Variants in CABYR observed in about 807,000 individuals in gnomAD.
CABYR encodes calcium-binding tyrosine phosphorylation-regulated protein.
CABYR carries 31 observed loss-of-function variants against 36.1 expected under a neutral mutation model. The observed-to-expected ratio is 0.86, with a 90% CI of 0.64 to 1.16. CABYR has a LOEUF of 1.16. Among genes scored for constraint, CABYR ranks in the 50% most tolerant of loss-of-function variants. The pLI is 0.00. For synonymous variants in CABYR, 146 were observed against 160.7 expected, an observed-to-expected ratio of 0.91 and a Z score of 0.69; for missense variants, 429 against 455.8, an observed-to-expected ratio of 0.94 and a Z score of 0.53.
At chr18:24,139,932 CT>C (rs778434790) in intron 1 of CABYR, 260 of 137,956 alleles carry the variant, frequency 1.9e-3, no homozygotes, top group Middle Eastern at 7.8e-3. Context: ...CTTTTTTATT[CT>C]TTTTTTTTTT....
At chr18:24,142,212 C>T (rs757241920) in intron 1 of CABYR, among the ~76,000 whole-genome samples, 8 of 151,814 alleles carry the variant, frequency 5.3e-5, no homozygotes, top group East Asian at 1.9e-4. Context: ...CCCAGCTACT[C>T]GGGAGGCTGA....
chr18:24,150,580 A>T, intron 3 of CABYR: 1 of 984,426 alleles, frequency 1.0e-6, no homozygotes, highest in Non-Finnish European at 1.2e-6. Flanking sequence ...GAATGGATGG[A>T]AGGGCAAGGA....
At chr18:24,150,127 A>T (rs1485938919) in intron 3 of CABYR, among the ~76,000 whole-genome samples, 1 of 152,258 alleles carries the variant, frequency 6.6e-6, no homozygotes, top group Non-Finnish European at 1.5e-5. Context: ...GGGGTGAGGG[A>T]GACAGAAATA....
At chr18:24,149,888 C>T (rs2085573686) in intron 3 of CABYR, among the ~76,000 whole-genome samples, 1 of 152,234 alleles carries the variant, frequency 6.6e-6, no homozygotes, top group South Asian at 2.1e-4. Flanking sequence ...GGAACTCCAG[C>T]TGGCCCGCAA....
At chr18:24,151,712 C>CA (rs1176642469) in intron 3 of CABYR, among the ~76,000 whole-genome samples, 3 of 110,028 alleles carry the variant, frequency 2.7e-5, no homozygotes, top group East Asian at 2.8e-4. Flanking sequence ...TTTTTAAAGA[C>CA]AGAGTCTAGC....
In CABYR at chr18:24,147,328, C is replaced by T. The variant is rs968322556; in HGVS notation, c.199+3915C>T. Among the ~76,000 whole-genome samples, 30 of 148,544 alleles carry T rather than the reference C, an allele frequency of 2.0e-4. No homozygotes were observed. In the Middle Eastern group the frequency reaches 0.011, roughly 52 times the overall value. On this transcript the variant is annotated intron_variant, in intron 3 of 5. Coordinates refer to ENST00000399496, the MANE Select transcript of CABYR (RefSeq NM_153769.3). ...CTTCCTAAATCTAGGAATGGGTACA[C>T]ACACAAAAACTTACAGATGATCCAA...
At chr18:24,153,171 G>C (rs1446826766) in intron 3 of CABYR, among the ~76,000 whole-genome samples, 2 of 152,060 alleles carry the variant, frequency 1.3e-5, no homozygotes, top group Non-Finnish European at 2.9e-5. Flanking sequence ...GCCTTGGGCT[G>C]GTTAGCAGTA....
intron 3 of CABYR, among the ~76,000 whole-genome samples, chr18:24,147,740 C>A (rs1384789058): frequency 6.6e-6 from 1 of 151,884 alleles, no homozygotes; most frequent in African/African-American, 2.4e-5. Flanking sequence ...TTATGGATGT[C>A]ATAGAATAAA....
Position 24,155,730 on chromosome 18 carries a change from CAGA to C in CABYR, c.234_236del (p.Lys79del). The stretch of plus-strand genomic sequence containing the variant: ...GAAATGGTCAGAAGGAACGACACCA[CAGA>C]AGAAATTAGAATGTTTAAAAGAACC... On this transcript the variant is annotated inframe_deletion, in exon 4 of 6. Transcript: ENST00000399496. The C allele has an allele frequency of 6.2e-7, 1 of 1,608,962 alleles. No individual in the cohort carries two copies. The highest frequency in any genetic ancestry group is 8.5e-7 in the Non-Finnish European group (1 of 1,177,924).
chr18:24,149,590 G>A (rs544733941), intron 3 of CABYR, among the ~76,000 whole-genome samples: 38 of 152,382 alleles, frequency 2.5e-4, no homozygotes, highest in Non-Finnish European at 5.6e-4. Context: ...GGGACTGGGT[G>A]CTGTGGAGCA....
intron 4 of CABYR, among the ~76,000 whole-genome samples, chr18:24,157,682 C>A (rs2085827847): frequency 6.6e-6 from 1 of 152,320 alleles, no homozygotes; most frequent in South Asian, 2.1e-4. Flanking sequence ...CTTTGATCAG[C>A]TCCCTCTTCC....
chr18:24,161,494 A>G lies in CABYR; in HGVS notation c.*-22A>G, dbSNP rs1429312988. The G allele has an allele frequency of 1.2e-5, 9 of 780,012 alleles. No individual in the cohort carries two copies. The African/African-American group carries it at 1.2e-4, about 10-fold the overall frequency. The allele number at this position is 780,012 out of a possible 1,614,324, so 48.3% of individuals were successfully genotyped here. The stretch of plus-strand genomic sequence containing the variant: ...TTCATGTTTAACTTTAAACAATTCA[A>G]TGTTTGCATTATTCCTAACAGATCC... On this transcript the variant is annotated intron_variant, in intron 5 of 5. Coordinates refer to ENST00000399496, the MANE Select transcript of CABYR (RefSeq NM_153769.3).
intron 2 of CABYR, 32 bp downstream of exon 2, chr18:24,143,291 G>GA: frequency 6.3e-7 from 1 of 1,599,088 alleles, no homozygotes; most frequent in South Asian, 1.1e-5. Context: ...TTGCTGCTTT[G>GA]AAAAAGAAAA....
chr18:24,144,159 A>C (rs970792390), intron 3 of CABYR, among the ~76,000 whole-genome samples: 4 of 152,054 alleles, frequency 2.6e-5, no homozygotes, highest in Admixed American at 2.0e-4. Context: ...CAACCTCCCA[A>C]AGTGCTGGGA....
In CABYR at chr18:24,155,883, G is replaced by C. The variant is rs2085768565; in HGVS notation, c.382G>C (p.Val128Leu). 2.5e-6 allele frequency: 4 copies of C among 1,614,058 alleles called. No homozygotes were observed. The highest frequency in any genetic ancestry group is 3.4e-6 in the Non-Finnish European group (4 of 1,180,038). The change falls in exon 4 of 6, where the codon GTG becomes CTG. Residue 128 changes from valine (V) to leucine (L), a missense_variant. Val to Leu is a conservative substitution (Grantham distance 32, BLOSUM62 1). Coordinates refer to ENST00000399496, the MANE Select transcript of CABYR (RefSeq NM_153769.3). ...CACCCAGTTTCCATCAGTTTATGCT[G>C]TGCCAGGCACTGAGCAAACGGAAGC... The part of the protein sequence containing the change: ...KTTQFPSVYA[V>L]PGTEQTEAVG...
At chr18:24,148,267 T>A (rs1323982019) in intron 3 of CABYR, among the ~76,000 whole-genome samples, 2 of 152,062 alleles carry the variant, frequency 1.3e-5, no homozygotes, top group East Asian at 1.9e-4. Context: ...TTGAAATAAA[T>A]AAAAATGTCC....
Position 24,143,189 on chromosome 18 carries a change from T to G in CABYR, c.75T>G (p.Val25=). The change falls in exon 2 of 6, where the codon GTT becomes GTG. Residue 25 remains valine (V), a synonymous_variant. Coordinates refer to ENST00000399496, the MANE Select transcript of CABYR (RefSeq NM_153769.3). ...TGCTCGAGGGAATTAGCAGAGCTGT[T>G]CTCAAAACCAACCCATCAAACATCA... ...KTLLEGISRA[V]LKTNPSNINQ... 6.2e-7 allele frequency: 1 copy of G among 1,614,092 alleles called. No individual in the cohort carries two copies. The highest frequency in any genetic ancestry group is 2.2e-5 in the East Asian group (1 of 44,882).
In CABYR at chr18:24,159,946, A is replaced by G. The variant is rs1221612468; in HGVS notation, c.1016A>G (p.Glu339Gly). 1 of 1,614,022 alleles carries G rather than the reference A, an allele frequency of 6.2e-7. No homozygotes were observed. Among genetic ancestry groups the G allele is most frequent in the African/African-American group, 1.3e-5 (1 of 74,906 alleles). ...PVFLSVAFPV[E>G]DVAKKSSGSG... is the part of the protein sequence containing the mutation. Reference sequence around the variant, plus strand: ...TTCCTTTCTGTTGCTTTCCCAGTAGAAGATGTAGCTAAAAAAAGTTCAGGA... The same window carrying G: ...TTCCTTTCTGTTGCTTTCCCAGTAGGAGATGTAGCTAAAAAAAGTTCAGGA... The change falls in exon 5 of 6, where the codon GAA becomes GGA. Residue 339 changes from glutamate (E) to glycine (G), a missense_variant. Transcript: ENST00000399496.
chr18:24,150,981 G>A (rs965144112), intron 3 of CABYR, among the ~76,000 whole-genome samples: 1 of 151,880 alleles, frequency 6.6e-6, no homozygotes, highest in Admixed American at 6.6e-5. Context: ...GGGTTTCACC[G>A]TGTTAGCCAG....
Sources: allele counts gnomAD v4.1 joint callset (sites outside exome capture counted in the v4.1 genomes callset), GRCh38; gene constraint gnomAD v4.1.1; transcripts MANE v1.5; gene names NCBI Gene and HGNC (gene_info 2026-07-23, HGNC 2026-07-21).